PCDHGB2: variants seen among roughly 807,000 people sequenced by gnomAD.
The protein encoded by PCDHGB2 is protocadherin gamma-B2.
Under a neutral mutation model 59.3 loss-of-function variants are expected in PCDHGB2, and 55 were observed. The observed-to-expected ratio is 0.93, with a 90% CI of 0.75 to 1.16. PCDHGB2 has a LOEUF of 1.16. PCDHGB2 is among the 50% of genes most tolerant of loss of function. The pLI, the probability that PCDHGB2 is intolerant of heterozygous loss-of-function variation, is 0.00. For synonymous variants in PCDHGB2, 516 were observed against 512.0 expected, an observed-to-expected ratio of 1.01 and a Z score of -0.11; for missense variants, 1,228 against 1,198.5, an observed-to-expected ratio of 1.02 and a Z score of -0.36.
intron 1 of PCDHGB2, chr5:141,399,174 T>A: frequency 6.2e-7 from 1 of 1,613,818 alleles, no homozygotes; most frequent in Non-Finnish European, 8.5e-7. Flanking sequence ...ATTCTCTACT[T>A]GAAATGATTC....
At chr5:141,419,259 C>T (rs765877993) in intron 1 of PCDHGB2, 2 of 1,613,900 alleles carry the variant, frequency 1.2e-6, no homozygotes, top group South Asian at 2.2e-5. Flanking sequence ...AACAACCAGC[C>T]GGGTGCCTCC....
In PCDHGB2 at chr5:141,489,662, G is replaced by C; in HGVS notation, c.2422-5145G>C. 8.1e-6 allele frequency: 13 copies of C among 1,614,144 alleles called. No individual in the cohort carries two copies. The highest frequency in any genetic ancestry group is 1.1e-5 in the Non-Finnish European group (13 of 1,180,010). On this transcript the variant is annotated intron_variant, in intron 1 of 3. Coordinates refer to ENST00000522605, the MANE Select transcript of PCDHGB2 (RefSeq NM_018923.3). This position sits in a 1 kb window ranked among gnomAD's most constrained non-coding sequence, Gnocchi z 4.5. The stretch of plus-strand genomic sequence containing the variant: ...TTTGCCACCCCTGAGCGAGAGATGC[G>C]CATCTCAGAATCAGCAGCATCTGGG...
chr5:141,372,278 G>A (rs756938433), intron 1 of PCDHGB2: 7 of 1,613,020 alleles, frequency 4.3e-6, no homozygotes, highest in Non-Finnish European at 3.4e-6. Flanking sequence ...AGGTGCGCAC[G>A]GCGCGTACCT....
At chr5:141,507,676 A>G (rs2099862523) in intron 3 of PCDHGB2, among the ~76,000 whole-genome samples, 1 of 152,252 alleles carries the variant, frequency 6.6e-6, no homozygotes, top group African/African-American at 2.4e-5. Flanking sequence ...TCCAGATGTT[A>G]AAAACAGAAA....
At chr5:141,503,902 C>T (rs552180745) in intron 2 of PCDHGB2, among the ~76,000 whole-genome samples, 7 of 152,328 alleles carry the variant, frequency 4.6e-5, no homozygotes, top group African/African-American at 1.7e-4. Context: ...AATATGCACA[C>T]ACACAACGCA....
chr5:141,367,052 A>G (rs936203558), intron 1 of PCDHGB2: 4 of 325,986 alleles, frequency 1.2e-5, no homozygotes, highest in African/African-American at 6.6e-5. Flanking sequence ...AATAGAAAAG[A>G]TGTTTTATTT....
rs370704205 is a variant in PCDHGB2, at chr5:141,422,166, T to C, written c.2421+59610T>C. 4.5e-6 allele frequency: 7 copies of C among 1,569,374 alleles called. No individual in the cohort carries two copies. In the South Asian group the frequency reaches 8.5e-5, roughly 19 times the overall value. ...GGGGGTCTCTGGATTTTGAAAAATA[T>C]AGATTCTATGAGATGGAAATTCAAG... On this transcript the variant is annotated intron_variant, in intron 1 of 3. Coordinates refer to ENST00000522605, the MANE Select transcript of PCDHGB2 (RefSeq NM_018923.3).
At chr5:141,404,320 C>T (rs577477279) in intron 1 of PCDHGB2, 8 of 1,613,920 alleles carry the variant, frequency 5.0e-6, no homozygotes, top group Admixed American at 1.7e-5. Flanking sequence ...CTCAAGCCTC[C>T]TACTCAGTCT....
rs1193095881 is a variant in PCDHGB2 at position 141,490,273 on chromosome 5, G to T, written c.2422-4534G>T. On this transcript the variant is annotated intron_variant, in intron 1 of 3. Coordinates refer to ENST00000522605, the MANE Select transcript of PCDHGB2 (RefSeq NM_018923.3). This position sits in a 1 kb window ranked among gnomAD's most constrained non-coding sequence, Gnocchi z 5.4. ...TCAAGTGGATGTGGGGGATGTCAAT[G>T]ACAATGCCCCAGAGGTGCTATTGGC... 6.2e-7 allele frequency: 1 copy of T among 1,614,108 alleles called. No homozygotes were observed. The highest frequency in any genetic ancestry group is 8.5e-7 in the Non-Finnish European group (1 of 1,180,052).
At chr5:141,428,600 C>T (rs2097150405) in intron 1 of PCDHGB2, 1 of 223,920 alleles carries the variant, frequency 4.5e-6, no homozygotes, top group African/African-American at 2.3e-5. Flanking sequence ...GCAAGCTTCA[C>T]TGAAGAGAAT....
intron 1 of PCDHGB2, chr5:141,364,288 A>G (rs1051262701): frequency 5.9e-6 from 9 of 1,517,572 alleles, no homozygotes; most frequent in Non-Finnish European, 7.9e-6. Context: ...AGGAAACAGC[A>G]GGCTGAACCA....
chr5:141,422,070 A>G (rs1202364320), intron 1 of PCDHGB2: 3 of 1,612,480 alleles, frequency 1.9e-6, no homozygotes, highest in Non-Finnish European at 2.5e-6. Context: ...TAATGTATTC[A>G]TTTCGGAACA....
At chr5:141,417,452 C>A in intron 1 of PCDHGB2, 1 of 173,536 alleles carries the variant, frequency 5.8e-6, no homozygotes, top group Non-Finnish European at 1.2e-5. Flanking sequence ...ATAGTTATGA[C>A]CAAGTGGAAA....
At chr5:141,391,248 A>G (rs1561633877) in intron 1 of PCDHGB2, 1 of 152,120 alleles carries the variant, frequency 6.6e-6, no homozygotes, top group Non-Finnish European at 1.5e-5. Context: ...TATCTAAGCA[A>G]CTGCTTCAGT....
intron 1 of PCDHGB2, chr5:141,366,122 T>G: frequency 6.2e-7 from 1 of 1,614,210 alleles, no homozygotes. Context: ...GGACAAAGAT[T>G]CAGGCCAGAA....
Position 141,485,291 on chromosome 5 carries a change from CAGGA to C in PCDHGB2, c.2422-9512_2422-9509del. ...CCGCTACCCGGTCCCAGAGGAGTCA[CAGGA>C]AGGGACTTTTGTAGGGAATGTCGCT... On this transcript the variant is annotated intron_variant, in intron 1 of 3. Transcript: ENST00000522605. The surrounding 1 kb of genome is among the most constrained non-coding windows in gnomAD (Gnocchi z 5.7). 1 of 1,614,152 alleles carries C rather than the reference CAGGA, an allele frequency of 6.2e-7. No individual in the cohort carries two copies. Among genetic ancestry groups the C allele is most frequent in the Non-Finnish European group, 8.5e-7 (1 of 1,179,992 alleles).
Position 141,431,349 on chromosome 5 carries a change from A to G in PCDHGB2, c.2422-63458A>G. 1.2e-6 allele frequency: 2 copies of G among 1,614,026 alleles called. No individual in the cohort carries two copies. The highest frequency in any genetic ancestry group is 4.5e-5 in the East Asian group (2 of 44,874). On this transcript the variant is annotated intron_variant, in intron 1 of 3. Coordinates refer to ENST00000522605, the MANE Select transcript of PCDHGB2 (RefSeq NM_018923.3). This position sits in a 1 kb window ranked among gnomAD's most constrained non-coding sequence, Gnocchi z 4.8. ...AGTAAGTACCCCGAATTGGTGCTGAAACGCGCCCTGGACCGCGAAGAAAAG... is the reference window on the plus strand; with the variant it reads ...AGTAAGTACCCCGAATTGGTGCTGAGACGCGCCCTGGACCGCGAAGAAAAG...
At chr5:141,459,910 A>G (rs2098977946) in intron 1 of PCDHGB2, among the ~76,000 whole-genome samples, 2 of 152,042 alleles carry the variant, frequency 1.3e-5, no homozygotes, top group Non-Finnish European at 1.5e-5. Context: ...GAGCTATGGG[A>G]GTTTTAAAAT....
intron 1 of PCDHGB2, among the ~76,000 whole-genome samples, chr5:141,369,043 C>A (rs187962324): frequency 6.6e-6 from 1 of 152,148 alleles, no homozygotes; most frequent in Non-Finnish European, 1.5e-5. Flanking sequence ...TTTAGAGTAA[C>A]AATACATTAT....
Sources: gnomAD v4.1 joint callset for allele counts (sites outside exome capture counted in the v4.1 genomes callset) on GRCh38, gnomAD v4.1.1 for gene constraint, Gnocchi (gnomAD v3.1) non-coding constraint, MANE v1.5 for transcripts, NCBI Gene and HGNC (gene_info 2026-07-23, HGNC 2026-07-21) for gene names.